The following LRGUK variants were observed in gnomAD, a reference collection of about 807,000 sequenced individuals.
LRGUK encodes the protein leucine rich repeats and guanylate kinase domain containing, also known as leucine-rich repeat and guanylate kinase domain-containing protein.
In LRGUK, 65 loss-of-function variants were observed where a neutral mutation model predicts 76.0. That is an observed-to-expected ratio of 0.85 (90% confidence interval 0.70 to 1.05). LRGUK has a LOEUF of 1.05. Ranked by LOEUF, LRGUK falls within the 50% of genes least tolerant of loss-of-function variation. The probability of loss-of-function intolerance (pLI) is 0.00; values close to 1 mark genes in which losing one functional copy is unlikely to be tolerated. For synonymous variants in LRGUK, 268 were observed against 265.6 expected (o/e 1.01, Z -0.09); for missense variants, 758 against 732.8 (o/e 1.03, Z -0.40).
At chr7:134,189,229 T>C (rs2117042153) in intron 11 of LRGUK, among the ~76,000 whole-genome samples, 1 of 152,302 alleles carries the variant, frequency 6.6e-6, no homozygotes, top group Non-Finnish European at 1.5e-5. Context: ...AATTAATTAG[T>C]AAATAATGAA....
At chr7:134,134,194 G>T (rs1035526481) in intron 1 of LRGUK, among the ~76,000 whole-genome samples, 4 of 152,196 alleles carry the variant, frequency 2.6e-5, no homozygotes, top group African/African-American at 9.6e-5. Flanking sequence ...GTTGTGGTCA[G>T]TGAACAAGTT....
downstream of LRGUK, among the ~76,000 whole-genome samples, chr7:134,265,866 G>A (rs1486502799): frequency 2.6e-5 from 4 of 152,122 alleles, no homozygotes; most frequent in African/African-American, 7.2e-5. Flanking sequence ...ATTAGAAAAG[G>A]TCTCATGAAG....
the LRGUK span, among the ~76,000 whole-genome samples, chr7:134,270,408 A>G: frequency 6.6e-6 from 1 of 152,152 alleles, no homozygotes; most frequent in African/African-American, 2.4e-5. Flanking sequence ...ATAAAACTCT[A>G]AGCCCATAAT....
At chr7:134,151,543 G>A (rs1798225248) in intron 5 of LRGUK, among the ~76,000 whole-genome samples, 2 of 151,950 alleles carry the variant, frequency 1.3e-5, no homozygotes, top group African/African-American at 4.8e-5. Flanking sequence ...ATTTTAATTA[G>A]GTTACTTTGA....
intron 3 of LRGUK, 138 bp downstream of exon 3, chr7:134,139,655 T>C: frequency 3.5e-6 from 2 of 573,262 alleles, no homozygotes; most frequent in Non-Finnish European, 2.9e-6. Flanking sequence ...TTGCTTTCCA[T>C]GTAAAAAAGG....
At chr7:134,127,510 A>C (rs145443851) in exon 1 of LRGUK, 2 of 1,614,162 alleles carry the variant, frequency 1.2e-6, no homozygotes, top group Non-Finnish European at 1.7e-6. Flanking sequence ...CCCATGGGGC[A>C]GAAGACGAAA....
chr7:134,149,097 C>A (rs1798097411), intron 5 of LRGUK, among the ~76,000 whole-genome samples: 1 of 75,992 alleles, frequency 1.3e-5, no homozygotes, highest in Non-Finnish European at 2.4e-5. Context: ...TTTAAATATG[C>A]TTTCTTTTTT....
rs140024524 is a variant in LRGUK, at chr7:134,247,592, C to T, written c.2020C>T (p.Arg674Trp). 107 of 1,613,802 alleles carry T rather than the reference C, an allele frequency of 6.6e-5. No individual in the cohort carries two copies. In the African/African-American group the frequency reaches 9.5e-4, roughly 14 times the overall value. ...TATACACAGACAGCACGAGGCAGCC[C>T]GGCAAGCTCTAATGGGAAGGATACG... Residue 674 changes from arginine (R) to tryptophan (W), a missense_variant, in exon 17 of 20, where the codon CGG becomes TGG. Coordinates refer to the LRGUK transcript ENST00000285928.
At chr7:134,180,458 A>G (rs1010805113) in intron 10 of LRGUK, among the ~76,000 whole-genome samples, 7 of 152,086 alleles carry the variant, frequency 4.6e-5, no homozygotes, top group Non-Finnish European at 1.0e-4. Context: ...GATATTTACA[A>G]TTTTGATTCC....
At chr7:134,170,573 G>A (rs2116965044) in intron 7 of LRGUK, among the ~76,000 whole-genome samples, 1 of 152,182 alleles carries the variant, frequency 6.6e-6, no homozygotes, top group South Asian at 2.1e-4. Flanking sequence ...ATAAATGCTT[G>A]AGGTGATGGA....
intron 15 of LRGUK, among the ~76,000 whole-genome samples, chr7:134,219,149 T>G (rs1253572231): frequency 1.3e-5 from 2 of 152,170 alleles, no homozygotes; most frequent in Non-Finnish European, 2.9e-5. Context: ...ATTATAACAT[T>G]GGTAATTATG....
intron 12 of LRGUK, among the ~76,000 whole-genome samples, chr7:134,195,920 C>T (rs1800463581): frequency 6.6e-6 from 1 of 152,074 alleles, no homozygotes. Flanking sequence ...TGCCCAGAGA[C>T]CCATCCCCCA....
chr7:134,241,684 T>C (rs931534088), intron 16 of LRGUK, among the ~76,000 whole-genome samples: 1 of 152,174 alleles, frequency 6.6e-6, no homozygotes, highest in African/African-American at 2.4e-5. Flanking sequence ...GGAATTGAAC[T>C]CAGCTCTGCA....
At chr7:134,139,275 T>C (rs1241165563) in intron 2 of LRGUK, among the ~76,000 whole-genome samples, 161 bp from the exon 3 acceptor site, 1 of 152,162 alleles carries the variant, frequency 6.6e-6, no homozygotes, top group Non-Finnish European at 1.5e-5. Context: ...ATGGCATCTG[T>C]TTTGAGATCC....
intron 7 of LRGUK, among the ~76,000 whole-genome samples, chr7:134,168,211 T>TA (rs893680972): frequency 3.3e-5 from 5 of 151,614 alleles, no homozygotes; most frequent in Admixed American, 6.6e-5. Flanking sequence ...ATAATAATAA[T>TA]AAAAAAAACT....
chr7:134,249,004 A>G (rs1333383444), exon 18 of LRGUK: 1 of 1,604,582 alleles, frequency 6.2e-7, no homozygotes, highest in Non-Finnish European at 8.5e-7. Context: ...ACAACTTTAG[A>G]AGAACTCTGG....
intron 5 of LRGUK, among the ~76,000 whole-genome samples, chr7:134,149,792 A>G (rs921127315): frequency 4.6e-5 from 7 of 152,206 alleles, no homozygotes; most frequent in African/African-American, 1.7e-4. Context: ...TCCAGAAGCT[A>G]TCTGGCTCAG....
At chr7:134,239,209 G>A (rs1488218556) in intron 16 of LRGUK, among the ~76,000 whole-genome samples, 2 of 152,166 alleles carry the variant, frequency 1.3e-5, no homozygotes, top group African/African-American at 4.8e-5. Flanking sequence ...ATCTTGCTGG[G>A]GCTTGTCAGA....
chr7:134,157,654 C>T (rs1798539257), intron 5 of LRGUK, among the ~76,000 whole-genome samples: 1 of 152,178 alleles, frequency 6.6e-6, no homozygotes, highest in African/African-American at 2.4e-5. Context: ...TCCCGAGTAG[C>T]TGGGACTACA....
Sources: gnomAD v4.1 joint callset for allele counts (sites outside exome capture counted in the v4.1 genomes callset) on GRCh38, gnomAD v4.1.1 for gene constraint, MANE v1.5 for transcripts, NCBI Gene and HGNC (gene_info 2026-07-23, HGNC 2026-07-21) for gene names.